ITPR1: variants seen among roughly 807,000 people sequenced by gnomAD.
The protein encoded by ITPR1 is inositol 1,4,5-trisphosphate receptor type 1, also known as inositol 1,4,5-trisphosphate-gated calcium channel ITPR1.
In ITPR1, 96 loss-of-function variants were observed where a neutral mutation model predicts 318.4. The observed-to-expected ratio is 0.30, with a 90% CI of 0.26 to 0.36. The LOEUF (loss-of-function observed/expected upper bound fraction) is 0.36, where lower values mean the gene tolerates loss of function less well. Ranked by LOEUF, ITPR1 falls within the 10% of genes least tolerant of loss-of-function variation. The pLI, the probability that ITPR1 is intolerant of heterozygous loss-of-function variation, is 1.00. For missense variants in ITPR1, 2,440 were observed against 3,460.2 expected (o/e 0.71, Z 7.40); for synonymous variants, 1,312 against 1,289.9 (o/e 1.02, Z -0.37).
At chr3:4,663,294 T>C (rs2093876932) in intron 16 of ITPR1, 88 bp downstream of exon 16, 2 of 1,292,910 alleles carry the variant, frequency 1.5e-6, no homozygotes, top group Admixed American at 5.0e-5. Flanking sequence ...CCCAGCACTT[T>C]GGGAAGCCGA....
At chr3:4,592,510 C>T (rs1311169402) in intron 4 of ITPR1, among the ~76,000 whole-genome samples, 1 of 152,026 alleles carries the variant, frequency 6.6e-6, no homozygotes, top group Non-Finnish European at 1.5e-5. Context: ...CCTGAAAATT[C>T]AGCTCATACA....
chr3:4,819,734 G>A (rs373844723), intron 60 of ITPR1, among the ~76,000 whole-genome samples: 10 of 152,272 alleles, frequency 6.6e-5, no homozygotes, highest in African/African-American at 2.2e-4. Flanking sequence ...GGAGGTTCAC[G>A]GCAGAGGTAA....
chr3:4,659,371 T>C (rs1484398465), intron 13 of ITPR1, among the ~76,000 whole-genome samples: 1 of 152,184 alleles, frequency 6.6e-6, no homozygotes, highest in Non-Finnish European at 1.5e-5. Context: ...ATATCAGTTG[T>C]CATTGTCTTA....
chr3:4,584,025 A>C (rs899354589), intron 4 of ITPR1, among the ~76,000 whole-genome samples: 3 of 152,056 alleles, frequency 2.0e-5, no homozygotes, highest in Non-Finnish European at 4.4e-5. Context: ...TTCCCCAATT[A>C]TCCTTTTCAT....
At chr3:4,681,931 G>A (rs1018218673) in intron 26 of ITPR1, among the ~76,000 whole-genome samples, 1 of 151,814 alleles carries the variant, frequency 6.6e-6, no homozygotes, top group African/African-American at 2.4e-5. Flanking sequence ...AAACCGCACT[G>A]GTCAATTTTG....
At chr3:4,739,323 G>T (rs188657056) in intron 44 of ITPR1, among the ~76,000 whole-genome samples, 2 of 152,148 alleles carry the variant, frequency 1.3e-5, no homozygotes, top group African/African-American at 4.8e-5. Context: ...CTTCCTGTTC[G>T]GTGCACCATG....
At chr3:4,823,509 A>G (rs1212834283) in intron 60 of ITPR1, among the ~76,000 whole-genome samples, 1 of 152,230 alleles carries the variant, frequency 6.6e-6, no homozygotes, top group East Asian at 1.9e-4. Context: ...TTGCAGCAAC[A>G]TGGATGGATC....
intron 50 of ITPR1, 99 bp from the exon 51 acceptor site, chr3:4,783,717 G>T (rs752241927): frequency 2.0e-6 from 2 of 985,982 alleles, no homozygotes; most frequent in Non-Finnish European, 3.2e-6. Context: ...CTTGCTGCTG[G>T]TTATTATGCA....
intron 4 of ITPR1, among the ~76,000 whole-genome samples, chr3:4,621,296 G>T (rs568354694): frequency 6.6e-6 from 1 of 152,130 alleles, no homozygotes; most frequent in African/African-American, 2.4e-5. Flanking sequence ...GGTGAAGGGG[G>T]AAGAGGCACA....
chr3:4,609,814 AC>A (rs2091967517), intron 4 of ITPR1, among the ~76,000 whole-genome samples: 1 of 152,192 alleles, frequency 6.6e-6, no homozygotes, highest in South Asian at 2.1e-4. Context: ...ATAGAACAGG[AC>A]AGAGCTTCCT....
chr3:4,832,711 A>G (rs568721597), intron 60 of ITPR1, among the ~76,000 whole-genome samples: 2 of 152,290 alleles, frequency 1.3e-5, no homozygotes, highest in African/African-American at 2.4e-5. Context: ...ATCATTTACC[A>G]TTGATTAAAA....
At chr3:4,727,235 A>C (rs1260950626) in intron 42 of ITPR1, 62 bp downstream of exon 42, 7 of 1,200,384 alleles carry the variant, frequency 5.8e-6, no homozygotes, top group Non-Finnish European at 8.2e-6. Flanking sequence ...CACCTCCATC[A>C]GCCACACACT....
chr3:4,814,500 C>T lies in ITPR1; in HGVS notation c.7639C>T (p.Leu2547=). The T allele has an allele frequency of 6.2e-7, 1 of 1,611,220 alleles. No individual in the cohort carries two copies. The highest frequency in any genetic ancestry group is 8.5e-7 in the Non-Finnish European group (1 of 1,179,086). ...GCTGCTGATGTGCATTGTCACTGTG[C>T]TGAGTCACGGGCTGCGGAGCGGGGG... The part of the protein sequence containing the change: ...ETLLMCIVTV[L]SHGLRSGGGV... The change falls in exon 58 of 62, where the codon CTG becomes TTG. Residue 2547 remains leucine, a synonymous_variant. Transcript: ENST00000649015.
intron 2 of ITPR1, among the ~76,000 whole-genome samples, chr3:4,515,262 T>C (rs1413329652): frequency 6.6e-6 from 1 of 152,210 alleles, no homozygotes. Context: ...ATGCTGATCA[T>C]TGCTGCATAA....
At position 4,619,726 on chromosome 3, in the gene ITPR1, C is replaced by T. The variant is rs1183335754; in HGVS notation, c.164-8037C>T. Among the ~76,000 whole-genome samples, 31 of 22,318 alleles carry T rather than the reference C, an allele frequency of 1.4e-3. 8 individuals are homozygous for T. The highest frequency in any genetic ancestry group is 2.6e-3 in the African/African-American group (10 of 3,798). 14.6% of individuals were successfully genotyped at this position (22,318 alleles called of 152,430 possible). ...CTCTCCTCTGCTCTCCCCTGCTCTCCTCTGCTCTCCCCTGCTCTCCTCTGC... is the reference window on the plus strand; with the variant it reads ...CTCTCCTCTGCTCTCCCCTGCTCTCTTCTGCTCTCCCCTGCTCTCCTCTGC... On this transcript the variant is annotated intron_variant, in intron 4 of 61. Coordinates refer to ENST00000649015, the MANE Select transcript of ITPR1 (RefSeq NM_001378452.1).
chr3:4,512,967 T>C (rs2081945620), intron 2 of ITPR1, among the ~76,000 whole-genome samples: 1 of 151,904 alleles, frequency 6.6e-6, no homozygotes, highest in African/African-American at 2.4e-5. Context: ...GAGCCCTCGG[T>C]GTCTGTAAGT....
chr3:4,553,295 A>AG (rs1259159995), intron 4 of ITPR1, among the ~76,000 whole-genome samples: 23 of 152,318 alleles, frequency 1.5e-4, no homozygotes, highest in African/African-American at 5.3e-4. Context: ...GACCAAAGAC[A>AG]CAGATGGGCA....
At chr3:4,655,802 G>T (rs1430881215) in intron 12 of ITPR1, among the ~76,000 whole-genome samples, 2 of 152,110 alleles carry the variant, frequency 1.3e-5, no homozygotes, top group African/African-American at 4.8e-5. Flanking sequence ...ATGTTGATTG[G>T]GGGTGGGCTG....
intron 44 of ITPR1, among the ~76,000 whole-genome samples, chr3:4,764,133 C>G (rs185045410): frequency 5.3e-5 from 8 of 152,172 alleles, no homozygotes; most frequent in Non-Finnish European, 4.4e-5. Context: ...AATTCAGTCA[C>G]CATAATTAGG....
Sources: gnomAD v4.1 joint callset for allele counts (sites outside exome capture counted in the v4.1 genomes callset) on GRCh38, gnomAD v4.1.1 for gene constraint, MANE v1.5 for transcripts, NCBI Gene and HGNC (gene_info 2026-07-23, HGNC 2026-07-21) for gene names.